The following ZZZ3 variants were observed in gnomAD, a reference collection of about 807,000 sequenced individuals.
ZZZ3 encodes zinc finger ZZ-type containing 3.
Under a neutral mutation model 95.2 loss-of-function variants are expected in ZZZ3, and 22 were observed. That is an observed-to-expected ratio of 0.23 (90% CI 0.17 to 0.33). The LOEUF is 0.33. ZZZ3 is among the 10% of genes least tolerant of loss of function. The pLI, the probability that ZZZ3 is intolerant of heterozygous loss-of-function variation, is 1.00. For missense variants in ZZZ3, 885 were observed against 1,066.5 expected (o/e 0.83, Z 2.37); for synonymous variants, 335 against 358.9 (o/e 0.93, Z 0.75).
chr1:77,596,858 T>A (rs1166580584), intron 5 of ZZZ3, among the ~76,000 whole-genome samples: 1 of 152,156 alleles, frequency 6.6e-6, no homozygotes, highest in Non-Finnish European at 1.5e-5. Context: ...CATGTGGTGA[T>A]GGATTAGAGT....
chr1:77,621,675 C>T lies in ZZZ3; in HGVS notation c.1505+10175G>A, dbSNP rs76767409. Among the ~76,000 whole-genome samples the T allele has an allele frequency of 2.6e-5, 4 of 151,596 alleles. No individual in the cohort carries two copies. The East Asian group carries it at 7.8e-4, about 29-fold the overall frequency. On this transcript the variant is annotated intron_variant, in intron 5 of 14. Coordinates refer to ENST00000370801, the MANE Select transcript of ZZZ3 (RefSeq NM_015534.6). ...TACAAGAAAATATAAAAATTAGCCA[C>T]GTGTGGTGGTACGCACCTGTAGTCC...
Position 77,579,622 on chromosome 1 carries a change from G to A in ZZZ3, c.1987C>T (p.Leu663=), listed in dbSNP as rs1662302662. 22 of 1,573,228 alleles carry A rather than the reference G, an allele frequency of 1.4e-5. 1 individual carries two copies. The South Asian group carries it at 2.5e-4, about 18-fold the overall frequency. The stretch of plus-strand genomic sequence containing the variant: ...GGGTATTTGATGAGTAGCTGTTCCA[G>A]CTTTTTCTAAGCCATACCCAAGACC... ...QLWTVEEQKK[L]EQLLIKYPPE... The change falls in exon 10 of 15, where the codon CTG becomes TTG. Residue 663 remains leucine, a synonymous_variant. Coordinates refer to ENST00000370801, the MANE Select transcript of ZZZ3 (RefSeq NM_015534.6).
chr1:77,570,251 C>T (rs1661244077), intron 12 of ZZZ3, among the ~76,000 whole-genome samples: 4 of 152,126 alleles, frequency 2.6e-5, no homozygotes, highest in East Asian at 1.9e-4. Context: ...TACAGGTGCC[C>T]GTCACCACAC....
chr1:77,646,042 T>G (rs1328710497), intron 1 of ZZZ3, among the ~76,000 whole-genome samples: 1 of 152,040 alleles, frequency 6.6e-6, no homozygotes, highest in African/African-American at 2.4e-5. Flanking sequence ...TATCAACATT[T>G]AGGAGATTCA....
At chr1:77,672,205 G>A (rs891533245) in intron 1 of ZZZ3, among the ~76,000 whole-genome samples, 4 of 152,198 alleles carry the variant, frequency 2.6e-5, no homozygotes, top group African/African-American at 9.7e-5. Flanking sequence ...TCCGAGTGCA[G>A]TGTGAAATTT....
chr1:77,566,072 A>G lies in ZZZ3; in HGVS notation c.2567+9T>C, dbSNP rs763216687. The G allele has an allele frequency of 4.4e-6, 7 of 1,602,106 alleles. No homozygotes were observed. The highest frequency in any genetic ancestry group is 6.0e-6 in the Non-Finnish European group (7 of 1,172,566). ...TAAGTTGAAGACTGACAATGAAGAA[A>G]ACACTTACCAGTCTGAACAAGAATC... On this transcript the variant is annotated intron_variant, in intron 14 of 14. Transcript: ENST00000370801.
chr1:77,586,426 G>C (rs1347585601), intron 5 of ZZZ3, among the ~76,000 whole-genome samples: 2 of 152,080 alleles, frequency 1.3e-5, no homozygotes, highest in East Asian at 3.8e-4. Context: ...AGTAAAAATA[G>C]GGTTACAAAA....
chr1:77,646,933 G>A (rs544915731), intron 1 of ZZZ3, among the ~76,000 whole-genome samples: 160 of 152,248 alleles, frequency 1.1e-3, no homozygotes, highest in Non-Finnish European at 1.9e-3. Context: ...CCACAGAGGA[G>A]AGAGCAGAAA....
At chr1:77,661,284 G>T (rs929730935) in intron 1 of ZZZ3, among the ~76,000 whole-genome samples, 1 of 152,002 alleles carries the variant, frequency 6.6e-6, no homozygotes, top group African/African-American at 2.4e-5. Context: ...AGAGTGTCGG[G>T]TAACTGTAAT....
chr1:77,679,950 C>T (rs1672596690), intron 1 of ZZZ3, among the ~76,000 whole-genome samples: 1 of 152,072 alleles, frequency 6.6e-6, no homozygotes, highest in Admixed American at 6.6e-5. Context: ...GTTCTAAGAA[C>T]AAGGAACATA....
intron 1 of ZZZ3, among the ~76,000 whole-genome samples, chr1:77,652,339 T>G (rs1185820277): frequency 6.6e-6 from 1 of 152,130 alleles, no homozygotes; most frequent in African/African-American, 2.4e-5. Context: ...AATAAGCACA[T>G]GAAAAAATGC....
intron 1 of ZZZ3, among the ~76,000 whole-genome samples, chr1:77,661,092 G>A (rs888336827): frequency 3.3e-5 from 5 of 151,194 alleles, no homozygotes; most frequent in African/African-American, 4.9e-5. Flanking sequence ...ATGCCCTTTA[G>A]GAAAATCACT....
At chr1:77,587,544 G>A (rs1484019135) in intron 5 of ZZZ3, among the ~76,000 whole-genome samples, 1 of 152,180 alleles carries the variant, frequency 6.6e-6, no homozygotes, top group African/African-American at 2.4e-5. Flanking sequence ...GATTACAGGC[G>A]TGAGCCACCG....
chr1:77,592,055 G>C (rs369655459), intron 5 of ZZZ3, among the ~76,000 whole-genome samples: 3 of 151,794 alleles, frequency 2.0e-5, no homozygotes, highest in African/African-American at 7.3e-5. Context: ...CCTCACTCCA[G>C]CCCCCAAGGA....
At chr1:77,596,573 C>T (rs1016181967) in intron 5 of ZZZ3, among the ~76,000 whole-genome samples, 4 of 151,966 alleles carry the variant, frequency 2.6e-5, no homozygotes, top group African/African-American at 7.2e-5. Context: ...GACTATATTA[C>T]GAATGTCTCA....
intron 9 of ZZZ3, 74 bp downstream of exon 9, chr1:77,580,924 C>A (rs557949015): frequency 1.6e-6 from 2 of 1,275,866 alleles, no homozygotes; most frequent in East Asian, 4.6e-5. Flanking sequence ...CTGGACCTGG[C>A]CTCATAATAC....
At position 77,565,677 on chromosome 1, in the gene ZZZ3, T is replaced by C. The variant is rs552992689; in HGVS notation, c.2675A>G (p.Asn892Ser). Residue 892 changes from asparagine to serine, a missense_variant, in exon 15 of 15, where the codon AAT becomes AGT. Around this residue, in one of 5 missense-constraint regions of ZZZ3, gnomAD observed 221 missense variants for 247.8 expected, o/e 0.89. Coordinates refer to ENST00000370801, the MANE Select transcript of ZZZ3 (RefSeq NM_015534.6). ...DYCVSQGTSY[N>S]YLDPNYFPAN... ...TGGAAAGTAGTTTGGGTCAAGGTAATTGTAACTGGTGCCCTGAGACACACA... is the reference window on the plus strand; with the variant it reads ...TGGAAAGTAGTTTGGGTCAAGGTAACTGTAACTGGTGCCCTGAGACACACA... The C allele has an allele frequency of 6.2e-7, 1 of 1,614,030 alleles. No individual in the cohort carries two copies. The highest frequency in any genetic ancestry group is 8.5e-7 in the Non-Finnish European group (1 of 1,179,904).
chr1:77,577,653 G>T (rs1238073372), intron 11 of ZZZ3, among the ~76,000 whole-genome samples: 1 of 152,200 alleles, frequency 6.6e-6, no homozygotes, highest in Non-Finnish European at 1.5e-5. Context: ...TGAGAAAGAT[G>T]TCAGTGGTGG....
At chr1:77,672,919 G>C (rs1265095269) in intron 1 of ZZZ3, among the ~76,000 whole-genome samples, 4 of 152,068 alleles carry the variant, frequency 2.6e-5, no homozygotes, top group Non-Finnish European at 5.9e-5. Context: ...AAACTCTCCA[G>C]ATTAAAAAAC....
Sources: gnomAD v4.1 joint callset for allele counts (sites outside exome capture counted in the v4.1 genomes callset) on GRCh38, gnomAD v4.1.1 for gene constraint, gnomAD v4.1.1 regional missense constraint, MANE v1.5 for transcripts, NCBI Gene and HGNC (gene_info 2026-07-23, HGNC 2026-07-21) for gene names.